Variants in GBF1 observed in about 807,000 individuals in gnomAD.
GBF1 encodes golgi brefeldin A resistant guanine nucleotide exchange factor 1, also known as Golgi-specific brefeldin A-resistance guanine nucleotide exchange factor 1.
In GBF1, 114 loss-of-function variants were observed where a neutral mutation model predicts 210.5. That is an observed-to-expected ratio of 0.54 (90% CI 0.47 to 0.63). The LOEUF (loss-of-function observed/expected upper bound fraction) is 0.63, where lower values mean the gene tolerates loss of function less well. GBF1 is among the 30% of genes least tolerant of loss of function. GBF1 has a pLI of 0.00. For synonymous variants in GBF1, 850 were observed against 889.2 expected (o/e 0.96, Z 0.78); for missense variants, 1,851 against 2,357.7 (o/e 0.79, Z 4.45).
At chr10:102,355,174 T>C (rs1589754951) in intron 8 of GBF1, among the ~76,000 whole-genome samples, 1 of 152,318 alleles carries the variant, frequency 6.6e-6, no homozygotes. Context: ...GTCTGGGCTG[T>C]CCATCACAAG....
At chr10:102,370,516 G>A (rs1378832203) in intron 28 of GBF1, 38 bp downstream of exon 28, 2 of 1,520,098 alleles carry the variant, frequency 1.3e-6, no homozygotes, top group South Asian at 2.2e-5. Flanking sequence ...CCCCATGCTG[G>A]GCTTGTGCCA....
chr10:102,377,252 C>T, intron 33 of GBF1, 112 bp downstream of exon 33: 2 of 724,198 alleles, frequency 2.8e-6, no homozygotes. Context: ...CCAGCCCAGG[C>T]CCTGGACCAC....
intron 3 of GBF1, among the ~76,000 whole-genome samples, chr10:102,294,809 T>C (rs2076784645): frequency 6.6e-6 from 1 of 152,238 alleles, no homozygotes; most frequent in African/African-American, 2.4e-5. Context: ...GTTTGTAGCC[T>C]AGAAGCAATA....
At chr10:102,274,140 A>G (rs2074694156) in intron 3 of GBF1, among the ~76,000 whole-genome samples, 1 of 152,294 alleles carries the variant, frequency 6.6e-6, no homozygotes, top group East Asian at 1.9e-4. Context: ...TCCTGTTCTC[A>G]TAGTTTATGG....
Position 102,380,577 on chromosome 10 carries a change from A to C in GBF1, c.5064A>C (p.Ala1688=), listed in dbSNP as rs1034219992. The change falls in exon 38 of 40, where the codon GCA becomes GCC. Residue 1688 remains alanine, a synonymous_variant. Coordinates refer to ENST00000369983, the MANE Select transcript of GBF1 (RefSeq NM_001377137.1). ...ACACAGCGGAGATTTTCCACAGTGC[A>C]GATGCACGGGGAGGCGGCCCCTCGG... ...VMDTAEIFHS[A]DARGGGPSAL... is the part of the protein sequence containing the mutation. 3.7e-6 allele frequency: 6 copies of C among 1,613,986 alleles called. No individual in the cohort carries two copies. The African/African-American group carries it at 5.3e-5, about 14-fold the overall frequency.
Position 102,369,230 on chromosome 10 carries a change from G to C in GBF1, c.2993G>C (p.Ser998Thr). ...TTCCAGTCTATTGAGAACCTGCCCAGTGTATTTGGAAGCAACCCTAAAGCC... is the reference window on the plus strand; with the variant it reads ...TTCCAGTCTATTGAGAACCTGCCCACTGTATTTGGAAGCAACCCTAAAGCC... The part of the protein sequence containing the change: ...LSSESIENLP[S>T]VFGSNPKAHI... The change falls in exon 24 of 40, where the codon AGT (serine) becomes ACT (threonine). Residue 998 changes from serine to threonine, a missense_variant. This residue lies in a region of GBF1 where 967 missense variants were observed against 1,247.7 expected (regional missense o/e 0.78). Transcript: ENST00000369983. 1 of 1,613,420 alleles carries C rather than the reference G, an allele frequency of 6.2e-7. No homozygotes were observed. The highest frequency in any genetic ancestry group is 8.5e-7 in the Non-Finnish European group (1 of 1,179,334).
At chr10:102,231,797 G>A in the GBF1 span, 1 of 1,596,474 alleles carries the variant, frequency 6.3e-7, no homozygotes, top group Non-Finnish European at 8.5e-7. Flanking sequence ...GAGTCTGGGG[G>A]CCAGGGTGGG....
At position 102,381,225 on chromosome 10, in the gene GBF1, C is replaced by G. The variant is rs747132927; in HGVS notation, c.5272C>G (p.Pro1758Ala). ...DTRTPGHPPP[P>A]EIPSELGACD... Reference sequence around the variant, plus strand: ...TAGGACACCTGGCCATCCACCGCCCCCAGAGATTCCATCTGAGCTGGGGGC... The same window carrying G: ...TAGGACACCTGGCCATCCACCGCCCGCAGAGATTCCATCTGAGCTGGGGGC... The change falls in exon 39 of 40, where the codon CCA (proline) becomes GCA (alanine). Residue 1758 changes from proline (P) to alanine (A), a missense_variant. Pro to Ala is a conservative substitution (Grantham distance 27, BLOSUM62 -1). This residue lies in a region of GBF1 where 967 missense variants were observed against 1,247.7 expected (regional missense o/e 0.78). Transcript: ENST00000369983. 4.3e-6 allele frequency: 7 copies of G among 1,613,936 alleles called. No individual in the cohort carries two copies. The South Asian group carries it at 6.6e-5, about 15-fold the overall frequency.
chr10:102,373,051 C>T (rs922972566), intron 29 of GBF1, among the ~76,000 whole-genome samples: 1 of 151,988 alleles, frequency 6.6e-6, no homozygotes, highest in South Asian at 2.1e-4. Flanking sequence ...TCTATGAGAG[C>T]CTATGTGAAG....
chr10:102,291,053 T>C (rs1459940798), intron 3 of GBF1, among the ~76,000 whole-genome samples: 1 of 152,222 alleles, frequency 6.6e-6, no homozygotes, highest in East Asian at 1.9e-4. Flanking sequence ...TGGACAGAAG[T>C]TGGATAGGAA....
chr10:102,317,433 A>T (rs368168800), intron 3 of GBF1, among the ~76,000 whole-genome samples: 66 of 152,306 alleles, frequency 4.3e-4, no homozygotes, highest in African/African-American at 1.4e-3. Flanking sequence ...AACCTGGCCA[A>T]CGTGGAGAAA....
intron 3 of GBF1, among the ~76,000 whole-genome samples, chr10:102,260,473 C>CTT (rs879575033): frequency 0.013 from 986 of 74,522 alleles, 99 homozygotes; most frequent in Middle Eastern, 0.023. Context: ...ATTTTCCTTT[C>CTT]TTCTTTTTTT....
At chr10:102,303,739 T>TA (rs2077603862) in intron 3 of GBF1, among the ~76,000 whole-genome samples, 1 of 152,234 alleles carries the variant, frequency 6.6e-6, no homozygotes, top group Non-Finnish European at 1.5e-5. Context: ...CCAAGTACTC[T>TA]AAATTATCTC....
chr10:102,337,685 C>T (rs915726440), intron 3 of GBF1, among the ~76,000 whole-genome samples: 30 of 152,046 alleles, frequency 2.0e-4, no homozygotes, highest in Non-Finnish European at 2.9e-5. Flanking sequence ...GAAGAAACCC[C>T]ATCTCTACTA....
At position 102,360,239 on chromosome 10, in the gene GBF1, C is replaced by A; in HGVS notation, c.1236C>A (p.Leu412=). 6.2e-7 allele frequency: 1 copy of A among 1,614,058 alleles called. No homozygotes were observed. Among genetic ancestry groups the A allele is most frequent in the East Asian group, 2.2e-5 (1 of 44,890 alleles). The change falls in exon 12 of 40, where the codon CTC becomes CTA. Residue 412 remains leucine, a synonymous_variant. Coordinates refer to ENST00000369983, the MANE Select transcript of GBF1 (RefSeq NM_001377137.1). ...LPCIRELFRF[L]ISLTNPHDRH... ...GCATCCGCGAGCTCTTCCGCTTCCT[C>A]ATCTCCCTCACCAATCCACACGACC... is the stretch of plus-strand genomic sequence containing the variant.
chr10:102,351,867 C>G lies in GBF1; in HGVS notation c.439C>G (p.Pro147Ala), dbSNP rs1392187748. 6.2e-6 allele frequency: 10 copies of G among 1,605,888 alleles called. No homozygotes were observed. Among genetic ancestry groups the G allele is most frequent in the Middle Eastern group, 1.7e-4 (1 of 6,056 alleles). ...LQVLRTLLLT[P>A]VGAHLTNESV... ...GGTTCTACGGACTCTGCTGCTAACC[C>G]CAGTGGGTGCCCACCTAACCAATGA... Residue 147 changes from proline (P) to alanine (A), a missense_variant, in exon 6 of 40, where the codon CCA (proline) becomes GCA (alanine). By Grantham distance (27) the Pro-to-Ala change is conservative (BLOSUM62 -1). Around this residue, in one of 3 missense-constraint regions of GBF1, gnomAD observed 804 missense variants for 958.6 expected, o/e 0.84. Coordinates refer to ENST00000369983, the MANE Select transcript of GBF1 (RefSeq NM_001377137.1).
intron 3 of GBF1, among the ~76,000 whole-genome samples, chr10:102,332,484 A>G (rs1008693548): frequency 2.0e-5 from 3 of 151,988 alleles, no homozygotes; most frequent in Non-Finnish European, 4.4e-5. Flanking sequence ...CCCCGGCTCA[A>G]GCGATTCTCG....
intron 4 of GBF1, among the ~76,000 whole-genome samples, chr10:102,345,572 G>A (rs549716247): frequency 3.6e-4 from 53 of 148,566 alleles, no homozygotes; most frequent in South Asian, 4.3e-4. Flanking sequence ...ACTTGAACCC[G>A]GGAGGCGGAA....
Position 102,362,645 on chromosome 10 carries a change from C to T in GBF1, c.1857C>T (p.Gly619=), listed in dbSNP as rs1346866682. ...TARPSCEIVD[G]TREASNTERT... Reference sequence around the variant, plus strand: ...GACCAAGCTGTGAGATAGTAGATGGCACCCGAGAAGCTAGCAATAGTGAGA... The same window carrying T: ...GACCAAGCTGTGAGATAGTAGATGGTACCCGAGAAGCTAGCAATAGTGAGA... Residue 619 remains glycine, a synonymous_variant, in exon 15 of 40, where the codon GGC becomes GGT. Transcript: ENST00000369983. 1.2e-6 allele frequency: 2 copies of T among 1,613,804 alleles called. No individual in the cohort carries two copies. Among genetic ancestry groups the T allele is most frequent in the Non-Finnish European group, 1.7e-6 (2 of 1,179,658 alleles).
Sources: allele counts gnomAD v4.1 joint callset (sites outside exome capture counted in the v4.1 genomes callset), GRCh38; gene constraint gnomAD v4.1.1; regional missense constraint gnomAD v4.1.1; transcripts MANE v1.5; gene names NCBI Gene and HGNC (gene_info 2026-07-23, HGNC 2026-07-21).